TMEM200A: variants seen among roughly 807,000 people sequenced by gnomAD.
The protein encoded by TMEM200A is transmembrane protein 200A.
TMEM200A carries 12 observed loss-of-function variants against 24.3 expected under a neutral mutation model. That is an observed-to-expected ratio of 0.49 (90% CI 0.32 to 0.80). The LOEUF (loss-of-function observed/expected upper bound fraction) is 0.80. Among genes scored for constraint, TMEM200A ranks in the 30% least tolerant of loss-of-function variants. The probability of loss-of-function intolerance (pLI) is 0.04; values close to 1 mark genes in which losing one functional copy is unlikely to be tolerated. For missense variants in TMEM200A, 545 were observed against 614.4 expected, an observed-to-expected ratio of 0.89 and a Z score of 1.19; for synonymous variants, 224 against 224.4, an observed-to-expected ratio of 1.00 and a Z score of 0.02.
chr6:130,403,256 A>G (rs1050258636), intron 2 of TMEM200A, among the ~76,000 whole-genome samples: 7 of 152,178 alleles, frequency 4.6e-5, no homozygotes, highest in Admixed American at 2.0e-4. Flanking sequence ...AAGCCATTTT[A>G]TAATTAATTT....
rs534993475 is a variant in TMEM200A, at chr6:130,409,199, T to C, written c.-17+23963T>C. 9.8e-5 allele frequency among the ~76,000 whole-genome samples: 15 copies of C among 152,290 alleles called. 1 individual carries two copies. The South Asian group carries it at 2.7e-3, about 27-fold the overall frequency. ...TTTTCTTTATCTGTCACAGGTGTTTTCCCCAATAATCATTTCTAATTCTCT... is the reference window on the plus strand; with the variant it reads ...TTTTCTTTATCTGTCACAGGTGTTTCCCCCAATAATCATTTCTAATTCTCT... On this transcript the variant is annotated intron_variant, in intron 2 of 2. Transcript: ENST00000296978.
chr6:130,414,214 T>A (rs1364780318), intron 2 of TMEM200A, among the ~76,000 whole-genome samples: 7 of 151,952 alleles, frequency 4.6e-5, no homozygotes, highest in Admixed American at 4.6e-4. Context: ...TGTGGATCAC[T>A]TGAGGTCAGG....
intron 1 of TMEM200A, among the ~76,000 whole-genome samples, chr6:130,368,605 G>A (rs1016440705): frequency 1.3e-5 from 2 of 152,200 alleles, no homozygotes; most frequent in Non-Finnish European, 2.9e-5. Context: ...GATCTGATAT[G>A]TGCTCAAACA....
At chr6:130,435,673 C>T (rs1048078263) in intron 2 of TMEM200A, among the ~76,000 whole-genome samples, 4 of 152,156 alleles carry the variant, frequency 2.6e-5, no homozygotes, top group African/African-American at 9.7e-5. Context: ...CTGAGAGGGA[C>T]AACAGGATTT....
intron 2 of TMEM200A, among the ~76,000 whole-genome samples, chr6:130,422,692 A>G (rs1409725984): frequency 6.6e-6 from 1 of 152,190 alleles, no homozygotes; most frequent in African/African-American, 2.4e-5. Context: ...TACGGACTGC[A>G]AATTCCAAAA....
At chr6:130,390,408 G>A (rs568434365) in intron 2 of TMEM200A, among the ~76,000 whole-genome samples, 1 of 152,330 alleles carries the variant, frequency 6.6e-6, no homozygotes, top group African/African-American at 2.4e-5. Context: ...CACACGTTGT[G>A]TATCAGAGCA....
intron 2 of TMEM200A, among the ~76,000 whole-genome samples, chr6:130,415,413 G>A (rs747679437): frequency 7.9e-5 from 12 of 152,118 alleles, no homozygotes; most frequent in African/African-American, 1.4e-4. Context: ...CCTCACTTTC[G>A]TGTGCTTGAC....
chr6:130,415,121 G>A (rs1779418677), intron 2 of TMEM200A, among the ~76,000 whole-genome samples: 1 of 152,126 alleles, frequency 6.6e-6, no homozygotes, highest in African/African-American at 2.4e-5. Flanking sequence ...TATGTGGAAT[G>A]CAATTCAATG....
chr6:130,418,928 C>A (rs561739684), intron 2 of TMEM200A, among the ~76,000 whole-genome samples: 6 of 152,170 alleles, frequency 3.9e-5, no homozygotes, highest in Non-Finnish European at 7.4e-5. Flanking sequence ...CATATCGAGT[C>A]CTCTCTTCTA....
At chr6:130,406,214 A>G (rs58044692) in intron 2 of TMEM200A, among the ~76,000 whole-genome samples, 8,444 of 152,224 alleles carry the variant, frequency 0.055, 781 homozygotes, top group African/African-American at 0.19. Flanking sequence ...AAAAATATAT[A>G]GAATATACTA....
At chr6:130,432,222 C>T (rs1457138240) in intron 2 of TMEM200A, among the ~76,000 whole-genome samples, 14 of 152,154 alleles carry the variant, frequency 9.2e-5, no homozygotes, top group South Asian at 2.1e-4. Context: ...CAGAATAGTG[C>T]GTGCAGAATT....
chr6:130,399,700 A>G (rs1466446104), intron 2 of TMEM200A, among the ~76,000 whole-genome samples: 1 of 150,210 alleles, frequency 6.7e-6, no homozygotes, highest in Non-Finnish European at 1.5e-5. Flanking sequence ...TTATTTTTCC[A>G]TAAGTTATTG....
At chr6:130,439,245 C>G (rs1780096103) in intron 2 of TMEM200A, 1 of 152,012 alleles carries the variant, frequency 6.6e-6, no homozygotes. Context: ...AGGGGGTTAT[C>G]ATATGGTCTA....
intron 2 of TMEM200A, among the ~76,000 whole-genome samples, chr6:130,440,188 G>A (rs529352479): frequency 2.0e-5 from 3 of 152,036 alleles, no homozygotes; most frequent in East Asian, 1.9e-4. Context: ...TAATAGAAAT[G>A]TTTACTTAGC....
Position 130,440,794 on chromosome 6 carries a change from G to A in TMEM200A, c.372G>A (p.Lys124=). The A allele has an allele frequency of 1.2e-6, 2 of 1,613,868 alleles. No individual in the cohort carries two copies. The highest frequency in any genetic ancestry group is 1.7e-6 in the Non-Finnish European group (2 of 1,179,878). The change falls in exon 3 of 3, where the codon AAG becomes AAA. Residue 124 remains lysine (K), a synonymous_variant. Coordinates refer to ENST00000296978, the MANE Select transcript of TMEM200A (RefSeq NM_001258277.2). ...TTGAGCAGCATTTGCATTCTGATAA[G>A]ATGAAAATGCTTGGCCCATTCACCA... ...RFFEQHLHSD[K]MKMLGPFTMG... is the part of the protein sequence containing the mutation.
At chr6:130,440,249 C>T (rs1460964122) in intron 2 of TMEM200A, among the ~76,000 whole-genome samples, 158 bp from the exon 3 acceptor site, 1 of 152,078 alleles carries the variant, frequency 6.6e-6, no homozygotes, top group Non-Finnish European at 1.5e-5. Flanking sequence ...AAAATTTGTA[C>T]CCAAACTATG....
intron 2 of TMEM200A, among the ~76,000 whole-genome samples, chr6:130,427,953 C>T (rs1479810431): frequency 1.3e-5 from 2 of 152,078 alleles, no homozygotes; most frequent in African/African-American, 2.4e-5. Flanking sequence ...GTAGAAGATA[C>T]TTGAAGCTAA....
chr6:130,410,545 T>C (rs897898233), intron 2 of TMEM200A, among the ~76,000 whole-genome samples: 2 of 152,164 alleles, frequency 1.3e-5, no homozygotes, highest in Non-Finnish European at 2.9e-5. Context: ...CTACAAGTCT[T>C]TTTGGTGAAA....
At chr6:130,386,391 T>C (rs1291011631) in intron 2 of TMEM200A, among the ~76,000 whole-genome samples, 1 of 152,224 alleles carries the variant, frequency 6.6e-6, no homozygotes, top group Non-Finnish European at 1.5e-5. Flanking sequence ...CAGAGCCAAC[T>C]GTGATTGCTC....
Sources: allele counts gnomAD v4.1 joint callset (sites outside exome capture counted in the v4.1 genomes callset), GRCh38; gene constraint gnomAD v4.1.1; transcripts MANE v1.5; gene names NCBI Gene and HGNC (gene_info 2026-07-23, HGNC 2026-07-21).